The following MICAL3 variants were observed in gnomAD, a reference collection of about 807,000 sequenced individuals.
The protein encoded by MICAL3 is microtubule associated monooxygenase, calponin and LIM domain containing 3, also known as [F-actin]-monooxygenase MICAL3.
MICAL3 carries 62 observed loss-of-function variants against 207.4 expected under a neutral mutation model. The observed-to-expected ratio is 0.30, with a 90% CI of 0.24 to 0.37. The LOEUF (loss-of-function observed/expected upper bound fraction) is 0.37. Ranked by LOEUF, MICAL3 falls within the 10% of genes least tolerant of loss-of-function variation. The pLI, the probability that MICAL3 is intolerant of heterozygous loss-of-function variation, is 1.00. For synonymous variants in MICAL3, 1,077 were observed against 1,069.3 expected, an observed-to-expected ratio of 1.01 and a Z score of -0.14; for missense variants, 2,368 against 2,635.6, an observed-to-expected ratio of 0.90 and a Z score of 2.22.
intron 1 of MICAL3, among the ~76,000 whole-genome samples, chr22:17,927,426 T>G (rs1932974423): frequency 6.6e-6 from 1 of 152,136 alleles, no homozygotes; most frequent in Non-Finnish European, 1.5e-5. Context: ...AGTGTGCAAT[T>G]CCCATACTAT....
intron 1 of MICAL3, among the ~76,000 whole-genome samples, chr22:17,914,257 A>C: frequency 7.2e-6 from 1 of 139,362 alleles, no homozygotes; most frequent in Non-Finnish European, 1.6e-5. Context: ...AGAAAGCGTG[A>C]GAATGGCATT....
In MICAL3 at chr22:17,841,963, G is replaced by A; in HGVS notation, c.2660C>T (p.Thr887Ile). 1.9e-6 allele frequency: 3 copies of A among 1,607,126 alleles called. No homozygotes were observed. The highest frequency in any genetic ancestry group is 2.5e-6 in the Non-Finnish European group (3 of 1,179,214). Residue 887 changes from threonine (T) to isoleucine (I), a missense_variant, in exon 20 of 32, where the codon ACC becomes ATC. Around this residue, in one of 4 missense-constraint regions of MICAL3, gnomAD observed 1,770 missense variants for 1,863.2 expected, o/e 0.95. Transcript: ENST00000441493. The surrounding 1 kb of genome is among the most constrained non-coding windows in gnomAD (Gnocchi z 4.2). ...GTTCTCCAGCTCGATCCGCTCTGGG[G>A]TGCCCCTCAGTCGCTTGGCGATGCT... ...EPSIAKRLRG[T>I]PERIELENYR... is the part of the protein sequence containing the mutation.
intron 1 of MICAL3, among the ~76,000 whole-genome samples, chr22:18,021,457 G>GT (rs1302131276): frequency 2.1e-4 from 32 of 152,382 alleles, no homozygotes; most frequent in Non-Finnish European, 4.6e-4. Flanking sequence ...GCTCAGCCAG[G>GT]TAAGTACTAG....
rs531254524 is a variant in MICAL3, at chr22:17,944,356, CAGT to C, written c.-74-37473_-74-37471del. Among the ~76,000 whole-genome samples, 117 of 152,218 alleles carry C rather than the reference CAGT, an allele frequency of 7.7e-4. 2 individuals carry two copies. Among genetic ancestry groups the C allele is most frequent in the South Asian group, 1.9e-3 (9 of 4,806 alleles). On this transcript the variant is annotated intron_variant, in intron 1 of 31. Transcript: ENST00000441493. ...GAATATGCAAGGAGAGAGGGGGTGG[CAGT>C]AGGAGAGGGCGCAGGGTTCCAGGAG...
In MICAL3 at chr22:17,980,938, T is replaced by C. The variant is rs1455701852; in HGVS notation, c.-75+43343A>G. ...CCTGCCCCGGCCCCCACCAGTGCCC[T>C]GCACACTTGGAGGTGTCTGTGATCA... On this transcript the variant is annotated intron_variant, in intron 1 of 31. Transcript: ENST00000441493. 6 of 532,242 alleles carry C rather than the reference T, an allele frequency of 1.1e-5. No homozygotes were observed. In the Admixed American group the frequency reaches 1.2e-4, roughly 10 times the overall value. 33.0% of individuals were successfully genotyped at this position (532,242 alleles called of 1,614,324 possible). A position where few individuals can be genotyped will look rare whatever the true frequency, so the allele number is the denominator to read the frequency against.
chr22:17,842,066 G>T (rs1924067911), intron 19 of MICAL3, 49 bp from the exon 20 acceptor site: 2 of 1,546,906 alleles, frequency 1.3e-6, no homozygotes, highest in Non-Finnish European at 1.8e-6. Context: ...CCACAGACGG[G>T]GCGTGGGGGT....
chr22:17,961,502 A>C (rs1934912482), intron 1 of MICAL3, among the ~76,000 whole-genome samples: 5 of 147,482 alleles, frequency 3.4e-5, no homozygotes, highest in African/African-American at 5.1e-5. Context: ...CCACCCTCTC[A>C]CCCCCATGGT....
At chr22:17,949,358 T>C (rs541767045) in intron 1 of MICAL3, among the ~76,000 whole-genome samples, 1 of 152,234 alleles carries the variant, frequency 6.6e-6, no homozygotes, top group Admixed American at 6.5e-5. Context: ...ATTATCTCAT[T>C]TTATCTTCCG....
chr22:17,823,474 A>C (rs1003948159), intron 22 of MICAL3, among the ~76,000 whole-genome samples: 7 of 152,210 alleles, frequency 4.6e-5, no homozygotes, highest in South Asian at 4.1e-4. Context: ...CAGCCCTCAT[A>C]ATGCAGGCTG....
chr22:17,875,596 G>A (rs1381065530), intron 16 of MICAL3: 2 of 1,193,610 alleles, frequency 1.7e-6, no homozygotes, highest in South Asian at 2.7e-5. Flanking sequence ...TAAAGGAAAT[G>A]TTAAATTAAG....
intron 16 of MICAL3, among the ~76,000 whole-genome samples, chr22:17,877,282 A>C (rs796074086): frequency 1.4e-3 from 130 of 90,448 alleles, no homozygotes; most frequent in Non-Finnish European, 1.8e-3. Flanking sequence ...GAGGTTAGGG[A>C]GGTTATGGAG....
chr22:17,863,236 T>C (rs1340206021), intron 19 of MICAL3: 9 of 985,312 alleles, frequency 9.1e-6, no homozygotes, highest in Non-Finnish European at 1.1e-5. Context: ...TTTAATTCTT[T>C]TTAAAAAATG....
intron 1 of MICAL3, among the ~76,000 whole-genome samples, chr22:17,945,089 C>T (rs1161386773): frequency 1.3e-5 from 2 of 150,290 alleles, no homozygotes; most frequent in Non-Finnish European, 2.9e-5. Flanking sequence ...ATACCTCAGG[C>T]TGGACTCAGT....
At chr22:17,825,817 C>A (rs1922119887) in intron 22 of MICAL3, among the ~76,000 whole-genome samples, 1 of 152,164 alleles carries the variant, frequency 6.6e-6, no homozygotes, top group African/African-American at 2.4e-5. Context: ...TGTCCTGCCC[C>A]AAATGCCAGT....
In MICAL3 at chr22:17,887,354, C is replaced by T; in HGVS notation, c.1973G>A (p.Gly658Asp). The T allele has an allele frequency of 6.2e-7, 1 of 1,613,956 alleles. No homozygotes were observed. Among genetic ancestry groups the T allele is most frequent in the Non-Finnish European group, 8.5e-7 (1 of 1,179,862 alleles). ...AGAACGCTTCCGAGAGATGGTCTGG[C>T]CAAGTTTGCTTAGGAAGGAGATAGG... Reference protein sequence around the residue: ...RSPISFLSKLGQTISRKRSPK... With the variant: ...RSPISFLSKLDQTISRKRSPK... Residue 658 changes from glycine to aspartate, a missense_variant, in exon 14 of 32, where the codon GGC becomes GAC. Transcript: ENST00000441493.
At chr22:17,948,937 C>A (rs145932918) in intron 1 of MICAL3, among the ~76,000 whole-genome samples, 1 of 100,164 alleles carries the variant, frequency 1.0e-5, no homozygotes, top group Non-Finnish European at 2.1e-5. Context: ...TTGGCCAGCA[C>A]GGTGGGTCGT....
intron 1 of MICAL3, among the ~76,000 whole-genome samples, chr22:17,986,485 ACTCCAG>A (rs1289061593): frequency 1.3e-5 from 2 of 152,092 alleles, no homozygotes; most frequent in African/African-American, 4.8e-5. Flanking sequence ...GTGCCACTGC[ACTCCAG>A]CCTGGGCAAC....
chr22:17,808,251 G>A (rs930276950), intron 29 of MICAL3, among the ~76,000 whole-genome samples: 6 of 152,264 alleles, frequency 3.9e-5, no homozygotes, highest in African/African-American at 7.2e-5. Context: ...GCCACTCCCC[G>A]GAGTCTGCTC....
At chr22:17,855,872 C>A (rs1422832200) in intron 19 of MICAL3, among the ~76,000 whole-genome samples, 1 of 152,234 alleles carries the variant, frequency 6.6e-6, no homozygotes, top group African/African-American at 2.4e-5. Context: ...TCTTGCCTCT[C>A]GCCCACGCTG....
Sources: allele counts gnomAD v4.1 joint callset (sites outside exome capture counted in the v4.1 genomes callset), GRCh38; gene constraint gnomAD v4.1.1; regional missense constraint gnomAD v4.1.1; non-coding constraint Gnocchi (gnomAD v3.1); transcripts MANE v1.5; gene names NCBI Gene and HGNC (gene_info 2026-07-23, HGNC 2026-07-21).